The following TACR1 variants were observed in gnomAD, a reference collection of about 807,000 sequenced individuals.
The protein encoded by TACR1 is tachykinin receptor 1, also known as substance-P receptor.
In TACR1, 25 loss-of-function variants were observed where a neutral mutation model predicts 35.8. That is an observed-to-expected ratio of 0.70 (90% CI 0.51 to 0.98). The LOEUF is 0.98. Ranked by LOEUF, TACR1 falls within the 50% of genes least tolerant of loss-of-function variation. The pLI is 0.00. For missense variants in TACR1, 478 were observed against 522.9 expected, an observed-to-expected ratio of 0.91 and a Z score of 0.84; for synonymous variants, 195 against 206.7, an observed-to-expected ratio of 0.94 and a Z score of 0.48.
chr2:75,089,044 C>G (rs190695887), intron 2 of TACR1, among the ~76,000 whole-genome samples: 1 of 152,110 alleles, frequency 6.6e-6, no homozygotes, highest in Non-Finnish European at 1.5e-5. Context: ...CTAGTTTTAA[C>G]GCACCCTAAC....
At chr2:75,106,903 A>G (rs1330477146) in intron 2 of TACR1, among the ~76,000 whole-genome samples, 1 of 151,840 alleles carries the variant, frequency 6.6e-6, no homozygotes, top group African/African-American at 2.4e-5. Context: ...AACTATAACA[A>G]TATATATAGA....
intron 2 of TACR1, among the ~76,000 whole-genome samples, chr2:75,065,782 G>A (rs1240725494): frequency 1.3e-5 from 2 of 152,310 alleles, no homozygotes; most frequent in South Asian, 2.1e-4. Flanking sequence ...CTTGATATAC[G>A]TAAGTTACAC....
chr2:75,108,046 A>G (rs1229988647), intron 2 of TACR1, among the ~76,000 whole-genome samples: 4 of 152,098 alleles, frequency 2.6e-5, no homozygotes, highest in Non-Finnish European at 5.9e-5. Flanking sequence ...CAGAAAAACT[A>G]TAAGTGGCAG....
chr2:75,126,974 G>T (rs993040891), intron 1 of TACR1, among the ~76,000 whole-genome samples: 3 of 152,068 alleles, frequency 2.0e-5, no homozygotes, highest in Non-Finnish European at 2.9e-5. Context: ...TGGCTATTTT[G>T]AAAAGTCAAA....
chr2:75,087,932 C>T (rs1481071024), intron 2 of TACR1, among the ~76,000 whole-genome samples: 3 of 152,218 alleles, frequency 2.0e-5, no homozygotes, highest in Admixed American at 6.5e-5. Flanking sequence ...ATGATGAACT[C>T]AGCCTCCAGT....
Position 75,048,989 on chromosome 2 carries a change from G to C in TACR1, c.*443C>G, listed in dbSNP as rs2103774698. The stretch of plus-strand genomic sequence containing the variant: ...CTTTTGTTCACCCTGTCAAGCGTAG[G>C]CTGGGGTGATAGGAGCCTCCAGCTG... On this transcript the variant is annotated 3_prime_UTR_variant, in exon 5 of 5. Coordinates refer to ENST00000305249, the MANE Select transcript of TACR1 (RefSeq NM_001058.4). 6.1e-6 allele frequency: 1 copy of C among 164,436 alleles called. No individual in the cohort carries two copies. Among genetic ancestry groups the C allele is most frequent in the South Asian group, 1.8e-4 (1 of 5,406 alleles). The allele number at this position is 164,436 out of a possible 1,614,324, so 10.2% of individuals were successfully genotyped here.
At chr2:75,064,325 G>A (rs1029966793) in intron 2 of TACR1, among the ~76,000 whole-genome samples, 3 of 152,142 alleles carry the variant, frequency 2.0e-5, no homozygotes, top group Non-Finnish European at 2.9e-5. Flanking sequence ...GATACGTTAA[G>A]AAAAACAAAC....
chr2:75,092,289 G>A (rs1251170803), intron 2 of TACR1, among the ~76,000 whole-genome samples: 1 of 151,934 alleles, frequency 6.6e-6, no homozygotes, highest in Non-Finnish European at 1.5e-5. Context: ...AAACCTCCCT[G>A]CTTGATTATG....
intron 2 of TACR1, among the ~76,000 whole-genome samples, chr2:75,090,516 A>T (rs1445993255): frequency 6.6e-6 from 1 of 152,190 alleles, no homozygotes; most frequent in Admixed American, 6.5e-5. Context: ...ATTCCTTTCT[A>T]TTGATCCCAA....
chr2:75,120,611 C>A lies in TACR1; in HGVS notation c.547G>T (p.Glu183Ter). Residue 183 changes from glutamate to a stop codon, truncating the protein, a stop_gained, in exon 2 of 5, where the codon GAA (glutamate) becomes TAA (stop). Transcript: ENST00000305249. LOFTEE classifies it high-confidence loss of function. ...ATCTTGTTCGGATGCTCTGGCCATT[C>A]GATCATGCACACGACTCTGCTGGGC... is the stretch of plus-strand genomic sequence containing the variant. Reference protein sequence around the residue: ...TMPSRVVCMIEWPEHPNKIYE... With the variant: ...TMPSRVVCMI The A allele has an allele frequency of 6.2e-7, 1 of 1,609,476 alleles. No homozygotes were observed.
At chr2:75,152,026 A>G (rs1307014089) in intron 1 of TACR1, among the ~76,000 whole-genome samples, 1 of 152,116 alleles carries the variant, frequency 6.6e-6, no homozygotes, top group South Asian at 2.1e-4. Flanking sequence ...GGCTGTATTT[A>G]CCCAATATCT....
intron 2 of TACR1, among the ~76,000 whole-genome samples, chr2:75,073,088 G>A (rs978499488): frequency 1.3e-5 from 2 of 152,100 alleles, no homozygotes; most frequent in South Asian, 4.1e-4. Context: ...CTCTATATAA[G>A]AGGAAAACCT....
At chr2:75,110,713 T>A (rs1175468861) in intron 2 of TACR1, among the ~76,000 whole-genome samples, 1 of 151,600 alleles carries the variant, frequency 6.6e-6, no homozygotes, top group Admixed American at 6.6e-5. Context: ...TTGTATAGTT[T>A]TTTGTATGAA....
chr2:75,188,747 G>A (rs1675769088), intron 1 of TACR1: 1 of 152,210 alleles, frequency 6.6e-6, no homozygotes, highest in Non-Finnish European at 1.5e-5. Context: ...GTGGTTTTCA[G>A]GCTCCAGGAA....
At chr2:75,066,596 T>A (rs979937102) in intron 2 of TACR1, among the ~76,000 whole-genome samples, 2 of 152,354 alleles carry the variant, frequency 1.3e-5, no homozygotes, top group South Asian at 2.1e-4. Context: ...TTTGGATTCA[T>A]TCTTGTATTT....
intron 1 of TACR1, among the ~76,000 whole-genome samples, chr2:75,161,495 A>C (rs1675008917): frequency 6.6e-6 from 1 of 152,152 alleles, no homozygotes; most frequent in Admixed American, 6.5e-5. Context: ...ATACAGTTTT[A>C]TTTTTGGCAT....
In TACR1 at chr2:75,123,405, C is replaced by G. The variant is rs530518459; in HGVS notation, c.390-2637G>C. Among the ~76,000 whole-genome samples, 18 of 152,314 alleles carry G rather than the reference C, an allele frequency of 1.2e-4. No homozygotes were observed. In the South Asian group the frequency reaches 3.3e-3, roughly 28 times the overall value. The stretch of plus-strand genomic sequence containing the variant: ...ACTCCCCATGCTCGAATTGGCGATA[C>G]ACCATTCAGAATCTAATGTGACTGG... On this transcript the variant is annotated intron_variant, in intron 1 of 4. Transcript: ENST00000305249.
chr2:75,128,520 C>T (rs1008838155), intron 1 of TACR1, among the ~76,000 whole-genome samples: 7 of 152,192 alleles, frequency 4.6e-5, no homozygotes, highest in African/African-American at 1.4e-4. Context: ...AGACAGTAAG[C>T]ATTGGGAATG....
At chr2:75,137,950 G>T (rs535484402) in intron 1 of TACR1, among the ~76,000 whole-genome samples, 1 of 152,232 alleles carries the variant, frequency 6.6e-6, no homozygotes, top group Non-Finnish European at 1.5e-5. Context: ...TATAGTGGTA[G>T]GCTTCATCAG....
Sources: allele counts gnomAD v4.1 joint callset (sites outside exome capture counted in the v4.1 genomes callset), GRCh38; gene constraint gnomAD v4.1.1; transcripts MANE v1.5; gene names NCBI Gene and HGNC (gene_info 2026-07-23, HGNC 2026-07-21).